The following RTN4 variants were observed in gnomAD, a reference collection of about 807,000 sequenced individuals.
The protein encoded by RTN4 is reticulon-4.
Under a neutral mutation model 90.4 loss-of-function variants are expected in RTN4, and 32 were observed. The observed-to-expected ratio is 0.35, with a 90% CI of 0.27 to 0.48. The LOEUF is 0.48. RTN4 is among the 20% of genes least tolerant of loss of function. RTN4 has a pLI of 0.99. For synonymous variants in RTN4, 629 were observed against 552.5 expected, an observed-to-expected ratio of 1.14 and a Z score of -1.94; for missense variants, 1,706 against 1,430.2, an observed-to-expected ratio of 1.19 and a Z score of -3.11.
At chr2:55,041,682 T>C (rs889103090) in intron 1 of RTN4, among the ~76,000 whole-genome samples, 2 of 152,006 alleles carry the variant, frequency 1.3e-5, no homozygotes, top group African/African-American at 4.8e-5. Context: ...CTTCACTCTC[T>C]AGAACAAAAC....
rs902973379 is a variant in RTN4, at chr2:55,105,428, C to T, written c.-214+7092G>A. On this transcript the variant is annotated intron_variant, in intron 1 of 3. Transcript: ENST00000427710. Reference sequence around the variant, plus strand: ...TATTTTTAGTAGAGATGGGTTTTCGCCATGTTGGCCATGCTGGTCTCAAAC... The same window carrying T: ...TATTTTTAGTAGAGATGGGTTTTCGTCATGTTGGCCATGCTGGTCTCAAAC... Among the ~76,000 whole-genome samples, 36 of 151,932 alleles carry T rather than the reference C, an allele frequency of 2.4e-4. 1 individual carries two copies. The highest frequency in any genetic ancestry group is 8.0e-4 in the African/African-American group (33 of 41,394).
At chr2:54,988,134 C>A (rs1327755777) in intron 3 of RTN4, among the ~76,000 whole-genome samples, 2 of 152,126 alleles carry the variant, frequency 1.3e-5, no homozygotes, top group African/African-American at 2.4e-5. Flanking sequence ...CTGGCCAACA[C>A]GGCAAAACTC....
At chr2:55,127,616 C>T in the RTN4 span, among the ~76,000 whole-genome samples, 11 of 152,340 alleles carry the variant, frequency 7.2e-5, no homozygotes, top group Non-Finnish European at 1.2e-4. Flanking sequence ...ATACCCCACA[C>T]AAGCTGGGGT....
chr2:54,992,940 G>C (rs1185800420), intron 3 of RTN4, among the ~76,000 whole-genome samples: 3 of 151,872 alleles, frequency 2.0e-5, no homozygotes, highest in South Asian at 2.1e-4. Context: ...CGGGCTTGGT[G>C]GTGGGCACCT....
At chr2:55,069,316 T>C (rs549762524) in intron 2 of RTN4, among the ~76,000 whole-genome samples, 6 of 152,374 alleles carry the variant, frequency 3.9e-5, no homozygotes, top group East Asian at 3.9e-4. Flanking sequence ...TTCTCATCCA[T>C]GTCAGCATTC....
chr2:54,998,229 C>G (rs1679593725), intron 3 of RTN4, among the ~76,000 whole-genome samples: 1 of 129,812 alleles, frequency 7.7e-6, no homozygotes, highest in Admixed American at 8.2e-5. Context: ...GTGTGGGGGG[C>G]TTTTTTTGGG....
chr2:55,102,979 A>G (rs1312713133), intron 1 of RTN4, among the ~76,000 whole-genome samples: 1 of 151,764 alleles, frequency 6.6e-6, no homozygotes, highest in Non-Finnish European at 1.5e-5. Context: ...TAAGCCGGGC[A>G]TGGTGACACA....
At chr2:55,086,513 T>C (rs537056035) in intron 1 of RTN4, among the ~76,000 whole-genome samples, 1 of 151,142 alleles carries the variant, frequency 6.6e-6, no homozygotes, top group Non-Finnish European at 1.5e-5. Flanking sequence ...AAAAAAAACA[T>C]TTAAAAATTA....
chr2:55,102,098 G>C (rs1233472776), intron 1 of RTN4, among the ~76,000 whole-genome samples: 1 of 152,028 alleles, frequency 6.6e-6, no homozygotes, highest in Non-Finnish European at 1.5e-5. Flanking sequence ...AAAATCATGA[G>C]CACCAAATTC....
intron 1 of RTN4, among the ~76,000 whole-genome samples, chr2:55,033,084 T>G (rs982744113): frequency 1.6e-4 from 24 of 146,284 alleles, no homozygotes; most frequent in African/African-American, 5.0e-4. Context: ...GGCCTAAAAT[T>G]GGACAGAAGT....
intron 3 of RTN4, among the ~76,000 whole-genome samples, chr2:54,990,298 T>C (rs764702914): frequency 6.6e-6 from 1 of 152,124 alleles, no homozygotes; most frequent in Non-Finnish European, 1.5e-5. Context: ...ACAAAAATAA[T>C]AGGTAACAAG....
intron 3 of RTN4, among the ~76,000 whole-genome samples, chr2:55,007,204 G>C (rs995386841): frequency 4.6e-5 from 7 of 152,034 alleles, no homozygotes; most frequent in African/African-American, 1.4e-4. Context: ...CAAATGCCAA[G>C]TATTCCTTCC....
At chr2:55,119,508 T>C in the RTN4 span, among the ~76,000 whole-genome samples, 53 of 152,238 alleles carry the variant, frequency 3.5e-4, no homozygotes, top group South Asian at 9.8e-3. Context: ...CACAGACTTA[T>C]TGGATGCAAG....
chr2:55,000,648 A>G lies in RTN4; in HGVS notation c.3014-12950T>C, dbSNP rs556766894. On this transcript the variant is annotated intron_variant, in intron 3 of 8. Coordinates refer to ENST00000337526, the MANE Select transcript of RTN4 (RefSeq NM_020532.5). ...ATATGTGATGCAAATGTATTTGTAC[A>G]TTTGTAATGTAAACATATTGTTAAA... Among the ~76,000 whole-genome samples, 21 of 152,334 alleles carry G rather than the reference A, an allele frequency of 1.4e-4. No individual in the cohort carries two copies. The South Asian group carries it at 4.1e-3, about 30-fold the overall frequency.
At chr2:55,107,117 G>C (rs1170548675) in intron 1 of RTN4, among the ~76,000 whole-genome samples, 4 of 151,474 alleles carry the variant, frequency 2.6e-5, no homozygotes, top group Admixed American at 1.3e-4. Context: ...TTTGTCTTAA[G>C]ATATTAATGA....
At chr2:55,001,709 A>G (rs1679861891) in intron 3 of RTN4, among the ~76,000 whole-genome samples, 1 of 152,208 alleles carries the variant, frequency 6.6e-6, no homozygotes, top group African/African-American at 2.4e-5. Flanking sequence ...TGACAGTCCA[A>G]CAGGCACTTC....
rs1668032024 is a variant in RTN4 at position 55,050,275 on chromosome 2, A to G, written c.26T>C (p.Leu9Pro). ...GGGTGGGCTGTCCGAGGACGAGACCAGAGGAGACTGGTCCAGGTCTTCCAT... is the reference window on the plus strand; with the variant it reads ...GGGTGGGCTGTCCGAGGACGAGACCGGAGGAGACTGGTCCAGGTCTTCCAT... MEDLDQSP[L>P]VSSSDSPPRP... The change falls in exon 1 of 9, where the codon CTG (leucine) becomes CCG (proline). Residue 9 changes from leucine (L) to proline (P), a missense_variant. By Grantham distance (98) the Leu-to-Pro change is moderately conservative (BLOSUM62 -3). Coordinates refer to ENST00000337526, the MANE Select transcript of RTN4 (RefSeq NM_020532.5). This position sits in a 1 kb window ranked among gnomAD's most constrained non-coding sequence, Gnocchi z 4.6. 2.0e-6 allele frequency: 3 copies of G among 1,487,392 alleles called. No homozygotes were observed. The highest frequency in any genetic ancestry group is 2.7e-6 in the Non-Finnish European group (3 of 1,118,542). 92.1% of individuals were successfully genotyped at this position (1,487,392 alleles called of 1,614,324 possible). A position where few individuals can be genotyped will look rare whatever the true frequency, so the allele number is the denominator to read the frequency against.
chr2:55,102,882 G>C (rs1667877202), intron 1 of RTN4, among the ~76,000 whole-genome samples: 1 of 152,044 alleles, frequency 6.6e-6, no homozygotes, highest in South Asian at 2.1e-4. Flanking sequence ...ACTTTGGGAG[G>C]CTGAGGCGGG....
At chr2:54,977,896 C>A (rs2104617264) in intron 5 of RTN4, among the ~76,000 whole-genome samples, 1 of 152,256 alleles carries the variant, frequency 6.6e-6, no homozygotes, top group East Asian at 1.9e-4. Context: ...TTTTTATTCG[C>A]CCAAGTCAAC....
Sources: gnomAD v4.1 joint callset for allele counts (sites outside exome capture counted in the v4.1 genomes callset) on GRCh38, gnomAD v4.1.1 for gene constraint, Gnocchi (gnomAD v3.1) non-coding constraint, MANE v1.5 for transcripts, NCBI Gene and HGNC (gene_info 2026-07-23, HGNC 2026-07-21) for gene names.